Variants in PRPSAP1 observed in about 807,000 individuals in gnomAD.
PRPSAP1 encodes the protein phosphoribosyl pyrophosphate synthase-associated protein 1.
In PRPSAP1, 31 loss-of-function variants were observed where a neutral mutation model predicts 39.4. The ratio of observed to expected loss-of-function variants is 0.79; its 90% CI spans 0.59 to 1.06. PRPSAP1 has a LOEUF of 1.06. Ranked by LOEUF, PRPSAP1 falls within the 50% of genes least tolerant of loss-of-function variation. PRPSAP1 has a pLI of 0.00. For synonymous variants in PRPSAP1, 212 were observed against 192.6 expected (o/e 1.10, Z -0.83); for missense variants, 430 against 511.6 (o/e 0.84, Z 1.54).
chr17:76,348,037 G>A (rs1031160091), intron 2 of PRPSAP1, among the ~76,000 whole-genome samples: 2 of 152,102 alleles, frequency 1.3e-5, no homozygotes, highest in Non-Finnish European at 2.9e-5. Context: ...ATAACGTGGT[G>A]GAAGCCGAGT....
At chr17:76,318,777 T>C (rs1250962708) in intron 7 of PRPSAP1, among the ~76,000 whole-genome samples, 1 of 152,176 alleles carries the variant, frequency 6.6e-6, no homozygotes, top group African/African-American at 2.4e-5. Flanking sequence ...AATGCACTCT[T>C]TTCCTATGAC....
At position 76,312,886 on chromosome 17, in the gene PRPSAP1, T is replaced by A; in HGVS notation, c.983A>T (p.Glu328Val). 1 of 1,613,552 alleles carries A rather than the reference T, an allele frequency of 6.2e-7. No homozygotes were observed. The highest frequency in any genetic ancestry group is 2.2e-5 in the East Asian group (1 of 44,870). The change falls in exon 9 of 10, where the codon GAG becomes GTG. Residue 328 changes from glutamate (E) to valine (V), a missense_variant. Coordinates refer to ENST00000446526, the MANE Select transcript of PRPSAP1 (RefSeq NM_002766.3). ...LSAEAPRLIE[E>V]SSVDEVVVTN... is the part of the protein sequence containing the mutation. ...CAGCCTGACCTCGTCTACGGAGGAC[T>A]CCTCAATCAGGCGAGGGGCCTCTGC...
intron 3 of PRPSAP1, among the ~76,000 whole-genome samples, chr17:76,340,314 C>A (rs1283283492): frequency 1.3e-5 from 2 of 151,734 alleles, no homozygotes; most frequent in African/African-American, 4.9e-5. Context: ...ACTCAAGATA[C>A]AAGTGAGAAA....
chr17:76,328,414 G>C (rs1200403227), intron 7 of PRPSAP1, among the ~76,000 whole-genome samples: 1 of 152,126 alleles, frequency 6.6e-6, no homozygotes, highest in African/African-American at 2.4e-5. Context: ...TTTGAGACCA[G>C]CCTGGCCAAC....
Position 76,313,811 on chromosome 17 carries a change from A to AT in PRPSAP1, c.852+9dup. 6.2e-7 allele frequency: 1 copy of AT among 1,614,184 alleles called. No individual in the cohort carries two copies. Among genetic ancestry groups the AT allele is most frequent in the African/African-American group, 1.3e-5 (1 of 75,056 alleles). Reference sequence around the variant, plus strand: ...TGCCACCTCTGCACATGGATGACATATAACCATACCACGATGATTGCGATG... The same window carrying AT: ...TGCCACCTCTGCACATGGATGACATATTAACCATACCACGATGATTGCGATG... On this transcript the variant is annotated intron_variant, in intron 8 of 9. Coordinates refer to ENST00000446526, the MANE Select transcript of PRPSAP1 (RefSeq NM_002766.3).
At position 76,353,881 on chromosome 17, in the gene PRPSAP1, C is replaced by G; in HGVS notation, c.-178G>C. 5 of 1,311,562 alleles carry G rather than the reference C, an allele frequency of 3.8e-6. No individual in the cohort carries two copies. The highest frequency in any genetic ancestry group is 4.2e-5 in the South Asian group (2 of 47,124). 81.2% of individuals were successfully genotyped at this position (1,311,562 alleles called of 1,614,324 possible). ...CCACTGACTACAGCGGCCGAGCCTT[C>G]GCAGCGCCCGGCGCCGCCGCCTCAG... On this transcript the variant is annotated 5_prime_UTR_variant, in exon 1 of 10. Transcript: ENST00000446526.
At chr17:76,330,528 G>A in intron 5 of PRPSAP1, 23 bp downstream of exon 5, 1 of 1,483,862 alleles carries the variant, frequency 6.7e-7, no homozygotes, top group Non-Finnish European at 9.3e-7. Context: ...AGGACAATGG[G>A]GTGTTTGCTG....
intron 3 of PRPSAP1, among the ~76,000 whole-genome samples, chr17:76,341,722 G>A (rs113096120): frequency 0.014 from 2,141 of 152,222 alleles, 55 homozygotes; most frequent in African/African-American, 0.049. Flanking sequence ...GGCGGATCAC[G>A]AGGTTAGGAG....
intron 7 of PRPSAP1, among the ~76,000 whole-genome samples, chr17:76,316,192 G>GAAAAA (rs531349364): frequency 9.6e-5 from 12 of 124,564 alleles, no homozygotes; most frequent in Admixed American, 9.6e-4. Flanking sequence ...AAAAAAAAAA[G>GAAAAA]AAAAAAAAAA....
chr17:76,332,133 T>C, intron 4 of PRPSAP1, 130 bp downstream of exon 4: 2 of 1,161,268 alleles, frequency 1.7e-6, no homozygotes, highest in South Asian at 1.6e-5. Flanking sequence ...CACATATCCT[T>C]AGCCAAAACT....
chr17:76,330,134 T>G (rs2071305175), intron 5 of PRPSAP1, 36 bp from the exon 6 acceptor site: 1 of 1,576,398 alleles, frequency 6.3e-7, no homozygotes, highest in Non-Finnish European at 8.7e-7. Flanking sequence ...TACTGAAAAG[T>G]TATCAGAAAA....
rs1049117479 is a variant in PRPSAP1 at position 76,344,580 on chromosome 17, A to G, written c.290+91T>C. 6 of 1,189,066 alleles carry G rather than the reference A, an allele frequency of 5.0e-6. No homozygotes were observed. In the African/African-American group the frequency reaches 9.4e-5, roughly 19 times the overall value. 73.7% of individuals were successfully genotyped at this position (1,189,066 alleles called of 1,614,324 possible). On this transcript the variant is annotated intron_variant, in intron 3 of 9. Transcript: ENST00000446526. ...CGCCCGGCCTGAATATATAACTTTT[A>G]AAAACACTAAGTTGTTGTTCATATG...
At chr17:76,348,670 T>C in intron 1 of PRPSAP1, 89 bp from the exon 2 acceptor site, 1 of 971,508 alleles carries the variant, frequency 1.0e-6, no homozygotes, top group Non-Finnish European at 1.5e-6. Context: ...ATAAAAAGAC[T>C]CAAATAATTA....
At position 76,353,814 on chromosome 17, in the gene PRPSAP1, A is replaced by C; in HGVS notation, c.-111T>G. On this transcript the variant is annotated 5_prime_UTR_variant, in exon 1 of 10. Transcript: ENST00000446526. ...GGAAGGCGCTGAGAAACTCGGCGCA[A>C]GCGGGGAGAGCTCCGAGGTCCGTGC... 7.2e-7 allele frequency: 1 copy of C among 1,386,520 alleles called. No homozygotes were observed. The highest frequency in any genetic ancestry group is 9.3e-7 in the Non-Finnish European group (1 of 1,078,510). The allele number at this position is 1,386,520 out of a possible 1,614,324, so 85.9% of individuals were successfully genotyped here. A position where few individuals can be genotyped will look rare whatever the true frequency, so the allele number is the denominator to read the frequency against.
chr17:76,346,042 G>A (rs2071497398), intron 2 of PRPSAP1: 2 of 417,838 alleles, frequency 4.8e-6, no homozygotes, highest in South Asian at 1.9e-5. Context: ...GGAGGGGAAT[G>A]ACTCTATGGG....
chr17:76,312,935 T>C lies in PRPSAP1; in HGVS notation c.934A>G (p.Met312Val). The part of the protein sequence containing the change: ...KERGAYKIYV[M>V]ATHGILSAEA... Reference sequence around the variant, plus strand: ...GCAGACAGGATGCCGTGGGTGGCCATAACATAGATCTTATAGGCGCCTCTC... The same window carrying C: ...GCAGACAGGATGCCGTGGGTGGCCACAACATAGATCTTATAGGCGCCTCTC... The change falls in exon 9 of 10, where the codon ATG becomes GTG. Residue 312 changes from methionine to valine, a missense_variant. Met to Val is a conservative substitution (Grantham distance 21). Around this residue, in one of 2 missense-constraint regions of PRPSAP1, gnomAD observed 278 missense variants for 376.3 expected, o/e 0.74. Transcript: ENST00000446526. 6.2e-7 allele frequency: 1 copy of C among 1,614,078 alleles called. No homozygotes were observed. The highest frequency in any genetic ancestry group is 2.2e-5 in the East Asian group (1 of 44,890).
intron 7 of PRPSAP1, among the ~76,000 whole-genome samples, chr17:76,323,319 G>C (rs990988753): frequency 6.7e-6 from 1 of 149,322 alleles, no homozygotes; most frequent in African/African-American, 2.5e-5. Flanking sequence ...TCCAGCCTGG[G>C]TGACAGAGCA....
At chr17:76,312,694 T>C (rs1336210422) in intron 9 of PRPSAP1, 176 bp downstream of exon 9, 5 of 674,762 alleles carry the variant, frequency 7.4e-6, no homozygotes, top group South Asian at 6.6e-5. Flanking sequence ...AGTTGAACCA[T>C]GGTAAGTCGT....
chr17:76,340,788 G>A (rs774274274), intron 3 of PRPSAP1, among the ~76,000 whole-genome samples: 29 of 151,936 alleles, frequency 1.9e-4, no homozygotes, highest in Non-Finnish European at 3.8e-4. Flanking sequence ...TACTCGGGAG[G>A]CTGAGGCAGG....
Sources: gnomAD v4.1 joint callset for allele counts (sites outside exome capture counted in the v4.1 genomes callset) on GRCh38, gnomAD v4.1.1 for gene constraint, gnomAD v4.1.1 regional missense constraint, MANE v1.5 for transcripts, NCBI Gene and HGNC (gene_info 2026-07-23, HGNC 2026-07-21) for gene names.